The following AGBL4 variants were observed in gnomAD, a reference collection of about 807,000 sequenced individuals.
The protein encoded by AGBL4 is cytosolic carboxypeptidase 6.
In AGBL4, 58 loss-of-function variants were observed where a neutral mutation model predicts 66.4. That is an observed-to-expected ratio of 0.87 (90% CI 0.71 to 1.09). AGBL4 has a LOEUF of 1.09. Ranked by LOEUF, AGBL4 falls within the 50% of genes least tolerant of loss-of-function variation. The pLI, the probability that AGBL4 is intolerant of heterozygous loss-of-function variation, is 0.00. For synonymous variants in AGBL4, 234 were observed against 222.9 expected, an observed-to-expected ratio of 1.05 and a Z score of -0.44; for missense variants, 579 against 631.0, an observed-to-expected ratio of 0.92 and a Z score of 0.88.
intron 4 of AGBL4, among the ~76,000 whole-genome samples, chr1:49,158,994 C>T (rs545607120): frequency 1.5e-4 from 22 of 149,050 alleles, no homozygotes; most frequent in Admixed American, 2.0e-4. Context: ...TACAGCACAC[C>T]GATGGGTCTT....
At position 49,045,568 on chromosome 1, in the gene AGBL4, C is replaced by T. The variant is rs1644057357; in HGVS notation, c.594+16G>A. ...CTGTTTCCAAATGAGTAACCCAAACCTGGCACAGGCCTTACCACACTCTGG... is the reference window on the plus strand; with the variant it reads ...CTGTTTCCAAATGAGTAACCCAAACTTGGCACAGGCCTTACCACACTCTGG... On this transcript the variant is annotated intron_variant, in intron 5 of 13. Transcript: ENST00000371839. The T allele has an allele frequency of 1.3e-6, 2 of 1,599,872 alleles. No individual in the cohort carries two copies. Among genetic ancestry groups the T allele is most frequent in the Non-Finnish European group, 1.7e-6 (2 of 1,172,472 alleles).
intron 8 of AGBL4, among the ~76,000 whole-genome samples, chr1:48,635,562 C>T (rs187807655): frequency 3.9e-5 from 6 of 152,290 alleles, no homozygotes; most frequent in Admixed American, 3.9e-4. Context: ...GAGTTCAGTC[C>T]CCCTGTTCTG....
At chr1:49,927,624 G>A (rs1652907121) in intron 1 of AGBL4, among the ~76,000 whole-genome samples, 1 of 151,894 alleles carries the variant, frequency 6.6e-6, no homozygotes, top group Non-Finnish European at 1.5e-5. Flanking sequence ...ATTTTGGGTG[G>A]GGAAAGAGCC....
chr1:49,715,066 A>G (rs563562369), intron 2 of AGBL4, among the ~76,000 whole-genome samples: 1 of 152,214 alleles, frequency 6.6e-6, no homozygotes, highest in African/African-American at 2.4e-5. Flanking sequence ...TGCCGCACCC[A>G]TCAACCCGTC....
intron 4 of AGBL4, among the ~76,000 whole-genome samples, chr1:49,156,189 T>C (rs1311249568): frequency 6.6e-6 from 1 of 152,194 alleles, no homozygotes; most frequent in African/African-American, 2.4e-5. Flanking sequence ...CAGCTCCCTA[T>C]CTTACATTTG....
chr1:49,994,001 A>T (rs1279359083), intron 1 of AGBL4, among the ~76,000 whole-genome samples: 4 of 152,138 alleles, frequency 2.6e-5, no homozygotes, highest in Admixed American at 2.6e-4. Context: ...TTTTGCCCTA[A>T]ATTAGCTTTT....
At chr1:50,021,949 G>A (rs11205674) in intron 1 of AGBL4, among the ~76,000 whole-genome samples, 79,379 of 151,952 alleles carry the variant, frequency 0.52, 22,033 homozygotes, top group Non-Finnish European at 0.62. Flanking sequence ...TGCCCCACAT[G>A]TACCCACACT....
chr1:49,513,964 T>C (rs1262546061), intron 3 of AGBL4, among the ~76,000 whole-genome samples: 1 of 152,028 alleles, frequency 6.6e-6, no homozygotes, highest in East Asian at 1.9e-4. Context: ...CCTAGGTATT[T>C]TATTCTCTTC....
chr1:49,986,358 C>T (rs752843980), intron 1 of AGBL4, among the ~76,000 whole-genome samples: 9 of 152,158 alleles, frequency 5.9e-5, no homozygotes, highest in South Asian at 2.1e-4. Flanking sequence ...TTCTTTAACT[C>T]AATATTTCAT....
intron 3 of AGBL4, among the ~76,000 whole-genome samples, chr1:49,340,269 C>T (rs1324843116): frequency 6.6e-6 from 1 of 151,322 alleles, no homozygotes; most frequent in Admixed American, 6.6e-5. Flanking sequence ...CCCACCTTGC[C>T]TGGCCTAAAT....
intron 1 of AGBL4, among the ~76,000 whole-genome samples, chr1:49,937,177 A>T (rs966173724): frequency 6.6e-5 from 10 of 152,180 alleles, no homozygotes; most frequent in Non-Finnish European, 1.5e-4. Context: ...AAAAAAAGGC[A>T]AGGGTTGCAA....
chr1:49,448,228 G>T (rs1171357511), intron 3 of AGBL4, among the ~76,000 whole-genome samples: 1 of 152,042 alleles, frequency 6.6e-6, no homozygotes, highest in African/African-American at 2.4e-5. Flanking sequence ...ATTATGTATT[G>T]GTGCTCATAA....
chr1:48,738,940 G>A (rs189985170), intron 6 of AGBL4, among the ~76,000 whole-genome samples: 351 of 152,282 alleles, frequency 2.3e-3, no homozygotes, highest in Non-Finnish European at 4.1e-3. Flanking sequence ...GAGATTCAGA[G>A]GGACTATGTA....
chr1:48,727,152 GATGA>G, intron 6 of AGBL4, among the ~76,000 whole-genome samples: 1 of 152,284 alleles, frequency 6.6e-6, no homozygotes, highest in South Asian at 2.1e-4. Context: ...TACAAGATAG[GATGA>G]AAGAACCGAT....
chr1:49,688,741 T>C (rs775868186), intron 3 of AGBL4, among the ~76,000 whole-genome samples: 11 of 152,176 alleles, frequency 7.2e-5, no homozygotes, highest in Non-Finnish European at 1.3e-4. Context: ...CATTTGTTAT[T>C]GCCTGTCTTT....
At chr1:49,059,009 AG>A (rs1310288782) in intron 4 of AGBL4, among the ~76,000 whole-genome samples, 2 of 152,388 alleles carry the variant, frequency 1.3e-5, no homozygotes, top group South Asian at 4.1e-4. Context: ...CAATAAAAAA[AG>A]AAAAACCCAT....
In AGBL4 at chr1:49,107,690, T is replaced by TGAGAGAGA. The variant is rs1396823757; in HGVS notation, c.378-61891_378-61890insTCTCTCTC. On this transcript the variant is annotated intron_variant, in intron 4 of 13. Transcript: ENST00000371839. ...ATATGTGTATGTGTGTGTGTGTGTG[T>TGAGAGAGA]GTGTGAGAGAGAGAGAGAGAGAGAG... Among the ~76,000 whole-genome samples, 564 of 106,886 alleles carry TGAGAGAGA rather than the reference T, an allele frequency of 5.3e-3. 3 individuals are homozygous for TGAGAGAGA. The highest frequency in any genetic ancestry group is 9.8e-3 in the African/African-American group (280 of 28,516). 70.1% of individuals were successfully genotyped at this position (106,886 alleles called of 152,430 possible). A position where few individuals can be genotyped will look rare whatever the true frequency, so the allele number is the denominator to read the frequency against.
intron 2 of AGBL4, among the ~76,000 whole-genome samples, chr1:49,746,529 C>T (rs925279426): frequency 6.6e-6 from 1 of 151,886 alleles, no homozygotes; most frequent in Non-Finnish European, 1.5e-5. Flanking sequence ...CTTTTTACAT[C>T]CCTATGTGAT....
intron 2 of AGBL4, among the ~76,000 whole-genome samples, chr1:49,731,827 T>C (rs534802465): frequency 2.0e-5 from 3 of 152,218 alleles, no homozygotes; most frequent in African/African-American, 7.2e-5. Context: ...CAAAAAGCAA[T>C]TGTAAACGTG....
Sources: gnomAD v4.1 joint callset for allele counts (sites outside exome capture counted in the v4.1 genomes callset) on GRCh38, gnomAD v4.1.1 for gene constraint, MANE v1.5 for transcripts, NCBI Gene and HGNC (gene_info 2026-07-23, HGNC 2026-07-21) for gene names.